Variants in TRPC6 observed in about 807,000 individuals in gnomAD.
TRPC6 encodes transient receptor potential cation channel subfamily C member 6.
TRPC6 carries 55 observed loss-of-function variants against 90.7 expected under a neutral mutation model. The ratio of observed to expected loss-of-function variants is 0.61; its 90% CI spans 0.49 to 0.76. The LOEUF is 0.76. TRPC6 is among the 30% of genes least tolerant of loss of function. TRPC6 has a pLI of 0.00. For missense variants in TRPC6, 989 were observed against 1,122.7 expected, an observed-to-expected ratio of 0.88 and a Z score of 1.70; for synonymous variants, 393 against 393.0, an observed-to-expected ratio of 1.00 and a Z score of 0.00.
chr11:101,544,996 T>C (rs142553624), intron 1 of TRPC6, among the ~76,000 whole-genome samples: 360 of 152,270 alleles, frequency 2.4e-3, no homozygotes, highest in African/African-American at 8.1e-3. Flanking sequence ...TGAAATAACA[T>C]TGTAGGAATT....
chr11:101,472,744 A>T (rs761604884), intron 7 of TRPC6, among the ~76,000 whole-genome samples: 7 of 152,282 alleles, frequency 4.6e-5, no homozygotes, highest in South Asian at 4.1e-4. Flanking sequence ...ATATAAACAG[A>T]CAATGTTACC....
chr11:101,576,996 C>T (rs1862084186), intron 1 of TRPC6, among the ~76,000 whole-genome samples: 1 of 152,086 alleles, frequency 6.6e-6, no homozygotes, highest in Admixed American at 6.6e-5. Flanking sequence ...CAGGTCATTT[C>T]CATGCAGAAT....
chr11:101,553,401 T>G (rs1795651151), intron 1 of TRPC6, among the ~76,000 whole-genome samples: 1 of 152,122 alleles, frequency 6.6e-6, no homozygotes, highest in Admixed American at 6.6e-5. Context: ...TGGTATTCTA[T>G]TTCAAACTGG....
intron 10 of TRPC6, among the ~76,000 whole-genome samples, chr11:101,464,126 T>G (rs2136655580): frequency 6.6e-6 from 1 of 151,776 alleles, no homozygotes; most frequent in African/African-American, 2.4e-5. Flanking sequence ...TTGAGTTAAT[T>G]TCTTAATTTG....
At chr11:101,493,794 G>A (rs191875471) in intron 2 of TRPC6, among the ~76,000 whole-genome samples, 15 of 152,296 alleles carry the variant, frequency 9.8e-5, no homozygotes, top group African/African-American at 3.4e-4. Flanking sequence ...AAATGTATGT[G>A]ATTCTGGATG....
At chr11:101,491,232 G>C in intron 3 of TRPC6, 1 of 292,918 alleles carries the variant, frequency 3.4e-6, no homozygotes, top group East Asian at 8.8e-5. Context: ...GGATCACAAG[G>C]TCAGGAGATA....
At position 101,452,764 on chromosome 11, in the gene TRPC6, C is replaced by T. The variant is rs1388591155; in HGVS notation, c.*191G>A. 3.2e-6 allele frequency: 2 copies of T among 619,456 alleles called. No homozygotes were observed. The highest frequency in any genetic ancestry group is 5.6e-6 in the Non-Finnish European group (2 of 357,906). 38.4% of individuals were successfully genotyped at this position (619,456 alleles called of 1,614,324 possible). On this transcript the variant is annotated 3_prime_UTR_variant, in exon 13 of 13. Transcript: ENST00000344327. ...GCATAATTTTCCTCATTATCTACAG[C>T]CTTTACCCTGAACAATGGAGTTTAA...
intron 5 of TRPC6, 89 bp downstream of exon 5, chr11:101,482,860 T>G: frequency 7.6e-7 from 1 of 1,309,618 alleles, no homozygotes; most frequent in South Asian, 1.2e-5. Flanking sequence ...CTGCATACAT[T>G]TGTATAACTG....
intron 10 of TRPC6, among the ~76,000 whole-genome samples, chr11:101,458,684 A>G (rs895631897): frequency 3.0e-4 from 45 of 151,548 alleles, no homozygotes; most frequent in Non-Finnish European, 6.3e-4. Flanking sequence ...AGTGACCTTT[A>G]GAGTTAAAGG....
chr11:101,457,788 C>G (rs1489117365), intron 10 of TRPC6, among the ~76,000 whole-genome samples: 2 of 151,972 alleles, frequency 1.3e-5, no homozygotes, highest in Non-Finnish European at 2.9e-5. Flanking sequence ...AGAGCTATTG[C>G]AAGAATTAAA....
intron 1 of TRPC6, among the ~76,000 whole-genome samples, chr11:101,552,944 CA>C (rs1439742238): frequency 6.6e-6 from 1 of 152,002 alleles, no homozygotes; most frequent in Non-Finnish European, 1.5e-5. Flanking sequence ...ATATCATAAC[CA>C]ATAAATGTTT....
intron 1 of TRPC6, among the ~76,000 whole-genome samples, chr11:101,560,549 T>C (rs1193795780): frequency 6.6e-6 from 1 of 152,160 alleles, no homozygotes; most frequent in Non-Finnish European, 1.5e-5. Flanking sequence ...TGTGACAAAC[T>C]GTTTTGTAAC....
chr11:101,579,800 G>A (rs1423297007), intron 1 of TRPC6, among the ~76,000 whole-genome samples: 5 of 152,050 alleles, frequency 3.3e-5, no homozygotes, highest in Non-Finnish European at 4.4e-5. Flanking sequence ...CAGGGCACAG[G>A]GGTATCTCAG....
chr11:101,563,277 G>A (rs1861754398), intron 1 of TRPC6, among the ~76,000 whole-genome samples: 1 of 152,066 alleles, frequency 6.6e-6, no homozygotes, highest in East Asian at 1.9e-4. Context: ...GAGACCCAAG[G>A]GAATAGAATA....
Position 101,460,189 on chromosome 11 carries a change from G to C in TRPC6, c.2485-5088C>G, listed in dbSNP as rs373897816. On this transcript the variant is annotated intron_variant, in intron 10 of 12. Transcript: ENST00000344327. Reference sequence around the variant, plus strand: ...TATTAATCCATTATATATGTTATACGTAGTCAACTGTATATTATATGAAGT... The same window carrying C: ...TATTAATCCATTATATATGTTATACCTAGTCAACTGTATATTATATGAAGT... Among the ~76,000 whole-genome samples, 37 of 152,180 alleles carry C rather than the reference G, an allele frequency of 2.4e-4. No individual in the cohort carries two copies. In the East Asian group the frequency reaches 5.0e-3, roughly 21 times the overall value.
intron 6 of TRPC6, among the ~76,000 whole-genome samples, chr11:101,475,249 G>A (rs935183303): frequency 1.3e-5 from 2 of 151,996 alleles, no homozygotes; most frequent in East Asian, 1.9e-4. Context: ...CAATTCCTTC[G>A]TTTTCAAATA....
chr11:101,515,285 C>T (rs552044466), intron 1 of TRPC6, among the ~76,000 whole-genome samples: 12 of 152,276 alleles, frequency 7.9e-5, no homozygotes, highest in Middle Eastern at 3.4e-3. Flanking sequence ...AGTTTGACCT[C>T]GTTTGTTTTT....
Position 101,455,008 on chromosome 11 carries a change from C to T in TRPC6, c.2568+10G>A, listed in dbSNP as rs199687626. 5.6e-6 allele frequency: 9 copies of T among 1,604,000 alleles called. No homozygotes were observed. The highest frequency in any genetic ancestry group is 2.7e-5 in the African/African-American group (2 of 74,476). On this transcript the variant is annotated intron_variant, in intron 11 of 12. Coordinates refer to ENST00000344327, the MANE Select transcript of TRPC6 (RefSeq NM_004621.6). ...TAACTAGTTTTATTCCTTTAAAAAT[C>T]CATGCTTACCTGATATTGTCTTGGA...
At position 101,488,976 on chromosome 11, in the gene TRPC6, G is replaced by GGGCA; in HGVS notation, c.1250_1253dup (p.Phe419AlafsTer46). 1 of 1,614,152 alleles carries GGGCA rather than the reference G, an allele frequency of 6.2e-7. No individual in the cohort carries two copies. Among genetic ancestry groups the GGGCA allele is most frequent in the Non-Finnish European group, 8.5e-7 (1 of 1,180,002 alleles). ...CAAACCAGTAAATGAGAGCCAGGAA[G>GGGCA]GGCAGTCCAATGGCAACAGCAAGGA... On this transcript the variant is annotated frameshift_variant, in exon 4 of 13. Coordinates refer to ENST00000344327, the MANE Select transcript of TRPC6 (RefSeq NM_004621.6). LOFTEE classifies it high-confidence loss of function.
Sources: gnomAD v4.1 joint callset for allele counts (sites outside exome capture counted in the v4.1 genomes callset) on GRCh38, gnomAD v4.1.1 for gene constraint, MANE v1.5 for transcripts, NCBI Gene and HGNC (gene_info 2026-07-23, HGNC 2026-07-21) for gene names.